The following NDC80 variants were observed in gnomAD, a reference collection of about 807,000 sequenced individuals.
NDC80 encodes the protein NDC80 kinetochore complex component.
A neutral mutation model predicts 89.3 loss-of-function variants in NDC80; 69 were observed. That is an observed-to-expected ratio of 0.77 (90% confidence interval 0.64 to 0.94). The LOEUF is 0.94. Ranked by LOEUF, NDC80 falls within the 40% of genes least tolerant of loss-of-function variation. The probability of loss-of-function intolerance (pLI) is 0.00; values close to 1 mark genes in which losing one functional copy is unlikely to be tolerated. For missense variants in NDC80, 593 were observed against 739.6 expected, an observed-to-expected ratio of 0.80 and a Z score of 2.30; for synonymous variants, 243 against 255.6, an observed-to-expected ratio of 0.95 and a Z score of 0.47.
chr18:2,591,915 C>T (rs929039899), intron 10 of NDC80, among the ~76,000 whole-genome samples: 4 of 151,906 alleles, frequency 2.6e-5, no homozygotes, highest in Admixed American at 6.6e-5. Flanking sequence ...CCACCATGCC[C>T]GGCTACTTTT....
At chr18:2,604,241 A>C (rs73378245) in intron 13 of NDC80, among the ~76,000 whole-genome samples, 2 of 152,164 alleles carry the variant, frequency 1.3e-5, no homozygotes. Flanking sequence ...CTCATAATAC[A>C]CTTAAGTACA....
chr18:2,585,267 T>G (rs2072597976), intron 7 of NDC80, 65 bp downstream of exon 7: 1 of 1,213,428 alleles, frequency 8.2e-7, no homozygotes, highest in African/African-American at 1.5e-5. Flanking sequence ...ACTATTGGAT[T>G]TAATACAGAT....
At chr18:2,597,493 G>A (rs1386475933) in intron 11 of NDC80, among the ~76,000 whole-genome samples, 1 of 152,180 alleles carries the variant, frequency 6.6e-6, no homozygotes, top group Non-Finnish European at 1.5e-5. Flanking sequence ...CACTTTGGGA[G>A]GCCAAGGCAG....
At chr18:2,591,164 AC>A (rs1203426119) in intron 10 of NDC80, among the ~76,000 whole-genome samples, 1 of 152,192 alleles carries the variant, frequency 6.6e-6, no homozygotes, top group Non-Finnish European at 1.5e-5. Flanking sequence ...AGCTGCAAGT[AC>A]TACAGTTCTC....
chr18:2,601,892 A>G (rs1218967122), intron 13 of NDC80, among the ~76,000 whole-genome samples: 1 of 152,164 alleles, frequency 6.6e-6, no homozygotes, highest in Admixed American at 6.5e-5. Flanking sequence ...ATTCTGGATC[A>G]TGGAATTTCA....
Position 2,610,765 on chromosome 18 carries a change from A to C in NDC80, c.1695A>C (p.Gln565His). The change falls in exon 16 of 17, where the codon CAA becomes CAC. Residue 565 changes from glutamine (Q) to histidine (H), a missense_variant. Gln to His is a conservative substitution (Grantham distance 24). Coordinates refer to ENST00000261597, the MANE Select transcript of NDC80 (RefSeq NM_006101.3). ...NELDAVQREY[Q>H]LVVQTTTEER... is the part of the protein sequence containing the mutation. Reference sequence around the variant, plus strand: ...AAGAGTTTTTGTTCTACAGATACCAACTAGTTGTGCAAACCACGACTGAAG... The same window carrying C: ...AAGAGTTTTTGTTCTACAGATACCACCTAGTTGTGCAAACCACGACTGAAG... The C allele has an allele frequency of 6.3e-7, 1 of 1,587,578 alleles. No individual in the cohort carries two copies. Among genetic ancestry groups the C allele is most frequent in the Non-Finnish European group, 8.6e-7 (1 of 1,162,104 alleles).
At chr18:2,594,958 C>T (rs1225080453) in intron 10 of NDC80, 1 of 152,128 alleles carries the variant, frequency 6.6e-6, no homozygotes, top group Non-Finnish European at 1.5e-5. Context: ...GAGCCTCAGC[C>T]TAGAATGTCC....
chr18:2,581,800 G>A (rs1217139776), intron 6 of NDC80, among the ~76,000 whole-genome samples: 2 of 151,998 alleles, frequency 1.3e-5, no homozygotes, highest in Non-Finnish European at 2.9e-5. Flanking sequence ...TTATCTAGAA[G>A]ATGAACATTC....
chr18:2,596,269 C>A (rs1359113801), intron 11 of NDC80, among the ~76,000 whole-genome samples: 2 of 152,024 alleles, frequency 1.3e-5, no homozygotes, highest in East Asian at 1.9e-4. Flanking sequence ...TTTTCGCAAC[C>A]TACTCATCTG....
intron 14 of NDC80, among the ~76,000 whole-genome samples, chr18:2,607,513 G>T (rs1410319215): frequency 6.6e-6 from 1 of 152,058 alleles, no homozygotes; most frequent in African/African-American, 2.4e-5. Context: ...TTTTGAAAAG[G>T]TCACATTTGG....
chr18:2,598,723 A>G (rs2072669718), intron 11 of NDC80, among the ~76,000 whole-genome samples: 1 of 152,210 alleles, frequency 6.6e-6, no homozygotes. Flanking sequence ...TTCAAAAAGT[A>G]AATTTTAGTT....
chr18:2,587,577 T>C (rs571406553), intron 7 of NDC80, among the ~76,000 whole-genome samples: 1 of 152,228 alleles, frequency 6.6e-6, no homozygotes, highest in Non-Finnish European at 1.5e-5. Context: ...GGTATGGCTG[T>C]TTTTAAATAT....
intron 10 of NDC80, among the ~76,000 whole-genome samples, chr18:2,591,340 A>G (rs1328977915): frequency 1.3e-5 from 2 of 152,234 alleles, no homozygotes; most frequent in African/African-American, 4.8e-5. Context: ...GGTATCTGCA[A>G]GTCACAGAGC....
chr18:2,600,649 TC>T (rs752479703), intron 12 of NDC80, among the ~76,000 whole-genome samples: 5 of 150,896 alleles, frequency 3.3e-5, no homozygotes, highest in Non-Finnish European at 5.9e-5. Flanking sequence ...GGCCATTGCA[TC>T]TTTTGCAAGG....
intron 5 of NDC80, among the ~76,000 whole-genome samples, chr18:2,578,527 T>G (rs1480427795): frequency 6.6e-6 from 1 of 152,130 alleles, no homozygotes; most frequent in Non-Finnish European, 1.5e-5. Context: ...ACCACAGATT[T>G]TACAGAAGCC....
At position 2,599,025 on chromosome 18, in the gene NDC80, A is replaced by G. The variant is rs201862820; in HGVS notation, c.1228A>G (p.Thr410Ala). Residue 410 changes from threonine to alanine, a missense_variant, in exon 12 of 17, where the codon ACA (threonine) becomes GCA (alanine). Physicochemically the swap from Thr to Ala is moderately conservative, Grantham distance 58 (BLOSUM62 0). Transcript: ENST00000261597. The part of the protein sequence containing the change: ...KYARGKEAIE[T>A]QLAEYHKLAR... ...ATGTGTTCTGTTCTTACAGATTGAA[A>G]CACAATTAGCAGAGTATCACAAATT... The G allele has an allele frequency of 3.9e-5, 63 of 1,604,280 alleles. No homozygotes were observed. The African/African-American group carries it at 8.0e-4, about 20-fold the overall frequency.
At chr18:2,587,064 T>C (rs1475540747) in intron 7 of NDC80, among the ~76,000 whole-genome samples, 1 of 151,774 alleles carries the variant, frequency 6.6e-6, no homozygotes, top group African/African-American at 2.4e-5. Context: ...TGATACACCT[T>C]TCCAGTTACA....
At chr18:2,590,241 A>G in intron 10 of NDC80, 79 bp downstream of exon 10, 2 of 1,399,164 alleles carry the variant, frequency 1.4e-6, no homozygotes, top group Non-Finnish European at 1.9e-6. Context: ...TTTGTTATCC[A>G]TATCTTTTGT....
chr18:2,589,498 C>T (rs995593317), intron 9 of NDC80, among the ~76,000 whole-genome samples, 188 bp downstream of exon 9: 1 of 152,120 alleles, frequency 6.6e-6, no homozygotes, highest in African/African-American at 2.4e-5. Context: ...TTTTCCCTTG[C>T]GGTCTATCAG....
Sources: allele counts gnomAD v4.1 joint callset (sites outside exome capture counted in the v4.1 genomes callset), GRCh38; gene constraint gnomAD v4.1.1; transcripts MANE v1.5; gene names NCBI Gene and HGNC (gene_info 2026-07-23, HGNC 2026-07-21).